Variants in GPC6 observed in about 807,000 individuals in gnomAD.
GPC6 encodes the protein glypican-6.
In GPC6, 14 loss-of-function variants were observed where a neutral mutation model predicts 55.2. The observed-to-expected ratio is 0.25, with a 90% CI of 0.17 to 0.40. The LOEUF (loss-of-function observed/expected upper bound fraction) is 0.40, where lower values mean the gene tolerates loss of function less well. Among genes scored for constraint, GPC6 ranks in the 10% least tolerant of loss-of-function variants. The pLI is 1.00. For synonymous variants in GPC6, 278 were observed against 259.6 expected (o/e 1.07, Z -0.68); for missense variants, 641 against 708.5 (o/e 0.90, Z 1.08).
chr13:94,271,452 G>T (rs1475317092), intron 4 of GPC6, among the ~76,000 whole-genome samples: 2 of 151,442 alleles, frequency 1.3e-5, no homozygotes, highest in Non-Finnish European at 2.9e-5. Context: ...GGTCTCCTTG[G>T]CTAGAATGAC....
At chr13:93,225,486 GTTTTTT>G (rs66859110), upstream of GPC6, among the ~76,000 whole-genome samples, 2 of 151,444 alleles carry the variant, frequency 1.3e-5, no homozygotes, top group African/African-American at 4.9e-5. Flanking sequence ...TAGCTATGGA[GTTTTTT>G]TTTTTGTTTT....
chr13:93,582,464 A>G (rs1483776972), intron 2 of GPC6, among the ~76,000 whole-genome samples: 1 of 152,252 alleles, frequency 6.6e-6, no homozygotes, highest in East Asian at 1.9e-4. Flanking sequence ...GCTACAATGT[A>G]GATTATTAAC....
rs1348506216 is a variant in GPC6 at position 94,380,940 on chromosome 13, G to T, written c.1153-1474G>T. 3.3e-5 allele frequency among the ~76,000 whole-genome samples: 5 copies of T among 152,262 alleles called. No individual in the cohort carries two copies. In the East Asian group the frequency reaches 9.6e-4, roughly 29 times the overall value. On this transcript the variant is annotated intron_variant, in intron 6 of 8. Transcript: ENST00000377047. The stretch of plus-strand genomic sequence containing the variant: ...ATGAGTAGAGGCCAGCTGGTTTTCA[G>T]AATGCCCCTGAGTTTCGGTTTGTCT...
At chr13:93,903,931 C>T (rs941656650) in intron 3 of GPC6, among the ~76,000 whole-genome samples, 1 of 150,840 alleles carries the variant, frequency 6.6e-6, no homozygotes. Context: ...ATCCCCCCAG[C>T]GAAATCACAA....
intron 6 of GPC6, among the ~76,000 whole-genome samples, chr13:94,356,261 A>C (rs1878792183): frequency 1.3e-5 from 2 of 152,226 alleles, no homozygotes; most frequent in Non-Finnish European, 2.9e-5. Context: ...ATACGCGTGC[A>C]TGTGTCTTTA....
rs756718752 is a variant in GPC6, at chr13:94,404,091, A to G, written c.*874A>G. ...ATTGAAAATAATCTTTGATGATACA[A>G]TCTCTGCTTTTGCCACAGGTTTGAC... is the stretch of plus-strand genomic sequence containing the variant. On this transcript the variant is annotated 3_prime_UTR_variant, in exon 9 of 9. Coordinates refer to ENST00000377047, the MANE Select transcript of GPC6 (RefSeq NM_005708.5). 2.6e-5 allele frequency: 4 copies of G among 152,056 alleles called. No individual in the cohort carries two copies. The highest frequency in any genetic ancestry group is 4.4e-5 in the Non-Finnish European group (3 of 68,026). The allele number at this position is 152,056 out of a possible 1,614,324, so 9.4% of individuals were successfully genotyped here.
At chr13:93,378,761 C>T (rs1015759393) in intron 1 of GPC6, among the ~76,000 whole-genome samples, 1 of 151,942 alleles carries the variant, frequency 6.6e-6, no homozygotes, top group Admixed American at 6.6e-5. Context: ...TTTGGGAGGC[C>T]GCAGCGGGTG....
chr13:93,657,123 A>G (rs931733879), intron 2 of GPC6, among the ~76,000 whole-genome samples: 1 of 152,142 alleles, frequency 6.6e-6, no homozygotes, highest in Admixed American at 6.5e-5. Context: ...ACAGAATCAG[A>G]AAAGAGCCCA....
intron 4 of GPC6, among the ~76,000 whole-genome samples, chr13:94,056,814 CT>C (rs1302456146): frequency 6.6e-6 from 1 of 152,198 alleles, no homozygotes; most frequent in Non-Finnish European, 1.5e-5. Flanking sequence ...TAAAGCATGT[CT>C]TCCAAATCAG....
intron 2 of GPC6, among the ~76,000 whole-genome samples, chr13:93,720,467 T>G (rs1022724907): frequency 6.6e-6 from 1 of 152,074 alleles, no homozygotes; most frequent in Admixed American, 6.6e-5. Flanking sequence ...CTTTTCTTCT[T>G]TTTGGTCTGG....
chr13:93,509,750 A>C (rs1490283386), intron 1 of GPC6, among the ~76,000 whole-genome samples: 1 of 152,216 alleles, frequency 6.6e-6, no homozygotes, highest in African/African-American at 2.4e-5. Context: ...AGTAAAAGAC[A>C]TGCAGGTGCT....
At chr13:93,555,798 G>A (rs191916881) in intron 2 of GPC6, among the ~76,000 whole-genome samples, 1 of 152,242 alleles carries the variant, frequency 6.6e-6, no homozygotes, top group Admixed American at 6.5e-5. Context: ...AGATTGCTGG[G>A]TTCAACACCA....
chr13:93,266,797 T>C (rs1160286764), intron 1 of GPC6, among the ~76,000 whole-genome samples: 1 of 152,194 alleles, frequency 6.6e-6, no homozygotes, highest in Non-Finnish European at 1.5e-5. Context: ...ATATCACTTA[T>C]AGAAGGCAGA....
intron 1 of GPC6, among the ~76,000 whole-genome samples, chr13:93,295,440 A>G (rs1594079404): frequency 6.6e-6 from 1 of 151,926 alleles, no homozygotes; most frequent in Non-Finnish European, 1.5e-5. Context: ...AGATCGAAAA[A>G]GCAAGTTCTC....
chr13:94,132,823 C>A (rs2138868692), intron 4 of GPC6, among the ~76,000 whole-genome samples: 1 of 152,244 alleles, frequency 6.6e-6, no homozygotes, highest in Non-Finnish European at 1.5e-5. Flanking sequence ...GCCTCAGGAC[C>A]CAGCCCATGG....
chr13:93,921,197 A>T (rs566343254), intron 3 of GPC6, among the ~76,000 whole-genome samples: 1 of 152,276 alleles, frequency 6.6e-6, no homozygotes, highest in East Asian at 1.9e-4. Flanking sequence ...TCAAACTCTT[A>T]CGGGAGGATG....
chr13:93,652,202 A>G (rs527279316), intron 2 of GPC6, among the ~76,000 whole-genome samples: 4 of 152,316 alleles, frequency 2.6e-5, no homozygotes, highest in African/African-American at 7.2e-5. Flanking sequence ...CTATCTTCAT[A>G]TATTTTCCAG....
At chr13:93,249,081 A>C (rs1214435564) in intron 1 of GPC6, among the ~76,000 whole-genome samples, 1 of 152,178 alleles carries the variant, frequency 6.6e-6, no homozygotes, top group Non-Finnish European at 1.5e-5. Flanking sequence ...CTGGCATGTT[A>C]GATTTGAAAA....
chr13:94,080,236 G>A (rs1885055937), intron 4 of GPC6, among the ~76,000 whole-genome samples: 2 of 152,126 alleles, frequency 1.3e-5, no homozygotes, highest in South Asian at 4.2e-4. Context: ...GAAATTTAAG[G>A]TTTGTGAATC....
Sources: allele counts gnomAD v4.1 joint callset (sites outside exome capture counted in the v4.1 genomes callset), GRCh38; gene constraint gnomAD v4.1.1; transcripts MANE v1.5; gene names NCBI Gene and HGNC (gene_info 2026-07-23, HGNC 2026-07-21).